Variants in ARHGEF3 observed in about 807,000 individuals in gnomAD.
ARHGEF3 encodes 59.8 kDA protein.
A neutral mutation model predicts 63.2 loss-of-function variants in ARHGEF3; 28 were observed. The ratio of observed to expected loss-of-function variants is 0.44; its 90% CI spans 0.33 to 0.61. The LOEUF (loss-of-function observed/expected upper bound fraction) is 0.61, where lower values mean the gene tolerates loss of function less well. Ranked by LOEUF, ARHGEF3 falls within the 20% of genes least tolerant of loss-of-function variation. ARHGEF3 has a pLI of 0.03. For synonymous variants in ARHGEF3, 266 were observed against 254.2 expected, an observed-to-expected ratio of 1.05 and a Z score of -0.44; for missense variants, 533 against 659.3, an observed-to-expected ratio of 0.81 and a Z score of 2.10.
At chr3:56,928,525 A>G (rs899080898) in intron 3 of ARHGEF3, among the ~76,000 whole-genome samples, 2 of 152,202 alleles carry the variant, frequency 1.3e-5, no homozygotes, top group African/African-American at 4.8e-5. Context: ...GAAAATGACC[A>G]TGGGGGCTGA....
chr3:56,948,108 C>A (rs1699611132), intron 3 of ARHGEF3, among the ~76,000 whole-genome samples: 4 of 152,242 alleles, frequency 2.6e-5, no homozygotes, highest in Admixed American at 6.5e-5. Flanking sequence ...ATACCAGAAT[C>A]TCTGGGACAC....
At chr3:56,865,637 G>A (rs1384446723) in intron 4 of ARHGEF3, among the ~76,000 whole-genome samples, 1 of 152,154 alleles carries the variant, frequency 6.6e-6, no homozygotes, top group Non-Finnish European at 1.5e-5. Flanking sequence ...TGGCTAGTGA[G>A]GTGTGATCTG....
At chr3:56,965,808 T>C (rs4681716) in intron 2 of ARHGEF3, among the ~76,000 whole-genome samples, 116,581 of 151,848 alleles carry the variant, frequency 0.77, 45,856 homozygotes, top group Middle Eastern at 0.85. Flanking sequence ...GCCACCACGC[T>C]TGGCTAATTT....
intron 1 of ARHGEF3, among the ~76,000 whole-genome samples, chr3:57,047,742 T>C (rs1382108536): frequency 1.3e-5 from 2 of 152,108 alleles, no homozygotes; most frequent in Admixed American, 6.6e-5. Flanking sequence ...TTCAATGCTG[T>C]CGATTTTGGG....
At chr3:56,991,789 A>G (rs576993693) in intron 2 of ARHGEF3, among the ~76,000 whole-genome samples, 117 of 152,034 alleles carry the variant, frequency 7.7e-4, no homozygotes, top group Non-Finnish European at 1.2e-3. Flanking sequence ...TAACTTTTGC[A>G]TTTTTAGTAG....
intron 2 of ARHGEF3, among the ~76,000 whole-genome samples, chr3:56,980,365 T>C (rs999174299): frequency 6.6e-6 from 1 of 152,200 alleles, no homozygotes; most frequent in Non-Finnish European, 1.5e-5. Context: ...TCATGTAATT[T>C]ACTGAAAACT....
At chr3:56,950,668 T>G (rs375025307) in intron 3 of ARHGEF3, among the ~76,000 whole-genome samples, 1 of 152,094 alleles carries the variant, frequency 6.6e-6, no homozygotes, top group African/African-American at 2.4e-5. Context: ...GGAACACTTT[T>G]ACACTGTTGG....
At chr3:56,819,872 C>T (rs2038410468) in intron 4 of ARHGEF3, among the ~76,000 whole-genome samples, 1 of 151,024 alleles carries the variant, frequency 6.6e-6, no homozygotes, top group Non-Finnish European at 1.5e-5. Context: ...GTCAGTGGCA[C>T]AGTTGTGGCT....
chr3:56,838,294 C>T (rs2039187292), intron 4 of ARHGEF3, among the ~76,000 whole-genome samples: 1 of 152,024 alleles, frequency 6.6e-6, no homozygotes, highest in Non-Finnish European at 1.5e-5. Context: ...AATTTAAATG[C>T]ATGGAAGAAC....
chr3:56,974,824 A>C (rs1185324623), intron 2 of ARHGEF3, among the ~76,000 whole-genome samples: 1 of 152,188 alleles, frequency 6.6e-6, no homozygotes, highest in Non-Finnish European at 1.5e-5. Context: ...TCTACCCTTT[A>C]ATCAAGGAGC....
intron 4 of ARHGEF3, among the ~76,000 whole-genome samples, chr3:56,854,559 T>C (rs1454019225): frequency 6.6e-6 from 1 of 152,038 alleles, no homozygotes; most frequent in Non-Finnish European, 1.5e-5. Flanking sequence ...ATCTCCAAGT[T>C]AGCAGCAGGA....
At chr3:56,943,177 C>G (rs528624627) in intron 3 of ARHGEF3, among the ~76,000 whole-genome samples, 1 of 152,212 alleles carries the variant, frequency 6.6e-6, no homozygotes, top group Non-Finnish European at 1.5e-5. Context: ...CCAGCTAGAG[C>G]TTTCCTAGCT....
At chr3:57,008,205 G>A (rs1702542426) in intron 2 of ARHGEF3, among the ~76,000 whole-genome samples, 1 of 152,164 alleles carries the variant, frequency 6.6e-6, no homozygotes, top group Non-Finnish European at 1.5e-5. Context: ...GAGCTTTTCA[G>A]TATGATTAAT....
chr3:56,934,060 T>C (rs764704120), intron 3 of ARHGEF3, among the ~76,000 whole-genome samples: 10 of 152,216 alleles, frequency 6.6e-5, no homozygotes, highest in Non-Finnish European at 1.3e-4. Flanking sequence ...TCCCCAGCAA[T>C]GCAAAACTGT....
intron 4 of ARHGEF3, among the ~76,000 whole-genome samples, chr3:56,878,421 G>A (rs1414110679): frequency 6.6e-6 from 1 of 152,200 alleles, no homozygotes; most frequent in South Asian, 2.1e-4. Flanking sequence ...TGGGGGCCCA[G>A]TCAGGGGATT....
intron 2 of ARHGEF3, among the ~76,000 whole-genome samples, chr3:57,020,251 T>A (rs536793091): frequency 1.3e-5 from 2 of 152,270 alleles, no homozygotes; most frequent in South Asian, 4.1e-4. Flanking sequence ...ATGCTGTCAC[T>A]GATTTGCAGG....
chr3:56,875,756 C>T (rs1445850350), intron 4 of ARHGEF3, among the ~76,000 whole-genome samples: 1 of 152,166 alleles, frequency 6.6e-6, no homozygotes, highest in Non-Finnish European at 1.5e-5. Flanking sequence ...TTCAAGCATA[C>T]CTTCATTCAA....
intron 2 of ARHGEF3, among the ~76,000 whole-genome samples, chr3:56,756,752 T>C (rs1426835193): frequency 6.6e-6 from 1 of 152,110 alleles, no homozygotes; most frequent in Non-Finnish European, 1.5e-5. Context: ...GGTTTCACCA[T>C]GTTAGCCAGG....
At chr3:56,904,597 T>G (rs2041627532) in intron 3 of ARHGEF3, among the ~76,000 whole-genome samples, 1 of 152,234 alleles carries the variant, frequency 6.6e-6, no homozygotes, top group Non-Finnish European at 1.5e-5. Flanking sequence ...GTTCTCTGTT[T>G]TGACTACTCT....
Sources: gnomAD v4.1 joint callset for allele counts (sites outside exome capture counted in the v4.1 genomes callset) on GRCh38, gnomAD v4.1.1 for gene constraint, MANE v1.5 for transcripts, NCBI Gene and HGNC (gene_info 2026-07-23, HGNC 2026-07-21) for gene names.